The following PCDH15 variants were observed in gnomAD, a reference collection of about 807,000 sequenced individuals.
PCDH15 encodes protocadherin-15.
Under a neutral mutation model 178.5 loss-of-function variants are expected in PCDH15, and 129 were observed. The observed-to-expected ratio is 0.72, with a 90% CI of 0.63 to 0.84. The LOEUF is 0.84. Among genes scored for constraint, PCDH15 ranks in the 40% least tolerant of loss-of-function variants. PCDH15 has a pLI of 0.00. For synonymous variants in PCDH15, 800 were observed against 732.0 expected (o/e 1.09, Z -1.50); for missense variants, 2,230 against 2,099.9 (o/e 1.06, Z -1.21).
chr10:55,318,120 A>G (rs1843776953), intron 1 of PCDH15, among the ~76,000 whole-genome samples: 1 of 152,178 alleles, frequency 6.6e-6, no homozygotes, highest in Admixed American at 6.5e-5. Flanking sequence ...ATGGAGCAAA[A>G]TAAAAACCAC....
Position 53,959,821 on chromosome 10 carries a change from A to T in PCDH15, c.3033T>A (p.Asp1011Glu). The change falls in exon 23 of 38, where the codon GAT becomes GAA. Residue 1011 changes from aspartate (D) to glutamate (E), a missense_variant. Asp to Glu is a conservative substitution (Grantham distance 45, BLOSUM62 2). Coordinates refer to ENST00000644397, the MANE Select transcript of PCDH15 (RefSeq NM_001384140.1). The stretch of plus-strand genomic sequence containing the variant: ...CACTGCTGGACATCACAGGCTCCCC[A>T]TCATCAAAAGCAACCACCACCAACT... ...IFKLVVVAFDDGEPVMSSSAT... is the reference protein window; with the variant it reads ...IFKLVVVAFDEGEPVMSSSAT... 6.2e-7 allele frequency: 1 copy of T among 1,614,034 alleles called. No homozygotes were observed. The highest frequency in any genetic ancestry group is 1.6e-4 in the Middle Eastern group (1 of 6,062).
At chr10:55,556,426 C>A (rs1564452534) in intron 2 of PCDH15, among the ~76,000 whole-genome samples, 1 of 152,096 alleles carries the variant, frequency 6.6e-6, no homozygotes, top group Non-Finnish European at 1.5e-5. Flanking sequence ...CCAAATCATG[C>A]TGCTAATGGA....
At chr10:55,380,318 T>C (rs1481354893) in intron 2 of PCDH15, among the ~76,000 whole-genome samples, 6 of 152,170 alleles carry the variant, frequency 3.9e-5, no homozygotes, top group Non-Finnish European at 8.8e-5. Context: ...GTTTGAAGAA[T>C]TTAAGAACTC....
intron 1 of PCDH15, among the ~76,000 whole-genome samples, chr10:54,747,368 C>T (rs755069601): frequency 5.3e-5 from 8 of 152,152 alleles, no homozygotes; most frequent in Non-Finnish European, 7.4e-5. Context: ...ATGTCAGCTG[C>T]ATTTTAGGCA....
chr10:54,707,571 C>T (rs2132310033), intron 1 of PCDH15, among the ~76,000 whole-genome samples: 1 of 152,164 alleles, frequency 6.6e-6, no homozygotes, highest in South Asian at 2.1e-4. Flanking sequence ...AATAAAGCAG[C>T]ATGTAGATTT....
At chr10:55,445,227 C>A (rs1188674177) in intron 2 of PCDH15, among the ~76,000 whole-genome samples, 3 of 152,104 alleles carry the variant, frequency 2.0e-5, no homozygotes, top group African/African-American at 7.2e-5. Context: ...GCAGAAACGT[C>A]TGTTTAAGTT....
At chr10:54,996,725 A>C (rs2131924143) in intron 2 of PCDH15, among the ~76,000 whole-genome samples, 1 of 152,300 alleles carries the variant, frequency 6.6e-6, no homozygotes, top group South Asian at 2.1e-4. Flanking sequence ...TGCTGTTCTA[A>C]GCAGGGTTTG....
At chr10:54,893,203 A>G (rs954216454) in intron 3 of PCDH15, among the ~76,000 whole-genome samples, 1 of 152,092 alleles carries the variant, frequency 6.6e-6, no homozygotes, top group Admixed American at 6.6e-5. Flanking sequence ...GAAATACACA[A>G]AAAAGGAAAT....
chr10:54,789,804 A>G (rs1025498842), intron 1 of PCDH15, among the ~76,000 whole-genome samples: 3 of 151,946 alleles, frequency 2.0e-5, no homozygotes, highest in African/African-American at 2.4e-5. Flanking sequence ...ATTAAACCAC[A>G]GGAAAGAAAA....
At chr10:53,822,159 TC>T (rs2076314891) in intron 32 of PCDH15, 1 of 1,614,080 alleles carries the variant, frequency 6.2e-7, no homozygotes, top group Non-Finnish European at 8.5e-7. Flanking sequence ...CTTAATTTTC[TC>T]GGCAGGCATC....
At chr10:54,726,473 G>A (rs977659051) in intron 1 of PCDH15, among the ~76,000 whole-genome samples, 8 of 149,670 alleles carry the variant, frequency 5.3e-5, no homozygotes, top group African/African-American at 2.0e-4. Context: ...TATTTGAATT[G>A]ACAGTGAATA....
intron 1 of PCDH15, among the ~76,000 whole-genome samples, chr10:54,690,386 C>T (rs111802549): frequency 6.8e-6 from 1 of 146,530 alleles, no homozygotes; most frequent in African/African-American, 2.5e-5. Context: ...ACCATCTCGG[C>T]TCACTGTAAC....
intron 2 of PCDH15, among the ~76,000 whole-genome samples, chr10:55,529,054 G>A (rs1341346795): frequency 6.6e-6 from 1 of 151,946 alleles, no homozygotes. Context: ...CATATCCTTT[G>A]CCCACTTTTT....
chr10:55,145,490 A>G (rs1241735484), intron 2 of PCDH15, among the ~76,000 whole-genome samples: 1 of 151,978 alleles, frequency 6.6e-6, no homozygotes, highest in Non-Finnish European at 1.5e-5. Flanking sequence ...CCCTCAAAGC[A>G]TGTTCTTTGA....
intron 3 of PCDH15, among the ~76,000 whole-genome samples, chr10:54,477,853 G>A (rs149598487): frequency 1.4e-4 from 22 of 152,192 alleles, no homozygotes; most frequent in Non-Finnish European, 3.2e-4. Context: ...AAAGTGCTGG[G>A]ATTACAGGCA....
At chr10:53,889,271 C>T (rs2081390305) in intron 26 of PCDH15, among the ~76,000 whole-genome samples, 1 of 151,838 alleles carries the variant, frequency 6.6e-6, no homozygotes, top group South Asian at 2.1e-4. Context: ...AAATGCAAGC[C>T]ATACCTTGGG....
At chr10:55,274,752 G>T (rs190978034) in intron 1 of PCDH15, among the ~76,000 whole-genome samples, 2 of 152,246 alleles carry the variant, frequency 1.3e-5, no homozygotes, top group Admixed American at 1.3e-4. Context: ...TAGGGAGGGT[G>T]TGGGTGGTTG....
At chr10:53,996,119 C>T (rs2091833058) in intron 20 of PCDH15, among the ~76,000 whole-genome samples, 2 of 152,086 alleles carry the variant, frequency 1.3e-5, no homozygotes, top group South Asian at 4.1e-4. Flanking sequence ...TTAAAAGCTA[C>T]ATTCTGTGAA....
chr10:54,160,942 T>C (rs189028115), intron 13 of PCDH15, among the ~76,000 whole-genome samples: 1 of 152,296 alleles, frequency 6.6e-6, no homozygotes, highest in Non-Finnish European at 1.5e-5. Flanking sequence ...CAAGCCACTG[T>C]TATTAAAAAG....
Sources: gnomAD v4.1 joint callset for allele counts (sites outside exome capture counted in the v4.1 genomes callset) on GRCh38, gnomAD v4.1.1 for gene constraint, MANE v1.5 for transcripts, NCBI Gene and HGNC (gene_info 2026-07-23, HGNC 2026-07-21) for gene names.